Variants in SERPINF1 observed in about 807,000 individuals in gnomAD.
SERPINF1 encodes the protein pigment epithelium-derived factor.
In SERPINF1, 29 loss-of-function variants were observed where a neutral mutation model predicts 37.3. The ratio of observed to expected loss-of-function variants is 0.78; its 90% CI spans 0.58 to 1.06. The LOEUF (loss-of-function observed/expected upper bound fraction) is 1.06, where lower values mean the gene tolerates loss of function less well. Ranked by LOEUF, SERPINF1 falls within the 50% of genes least tolerant of loss-of-function variation. The pLI is 0.00. For missense variants in SERPINF1, 553 were observed against 532.2 expected (o/e 1.04, Z -0.38); for synonymous variants, 281 against 227.9 (o/e 1.23, Z -2.10).
At chr17:1,765,423 G>A (rs1036403263) in intron 1 of SERPINF1, among the ~76,000 whole-genome samples, 12 of 151,972 alleles carry the variant, frequency 7.9e-5, no homozygotes, top group Non-Finnish European at 1.8e-4. Context: ...CCAGGTTCAA[G>A]TGATTCTCCT....
At chr17:1,775,296 C>T (rs1907963134) in intron 6 of SERPINF1, 96 bp downstream of exon 6, 1 of 1,273,546 alleles carries the variant, frequency 7.9e-7, no homozygotes, top group Non-Finnish European at 1.1e-6. Context: ...TGAGATCCGA[C>T]AGCTGTCTAC....
intron 4 of SERPINF1, 70 bp downstream of exon 4, chr17:1,771,254 T>A: frequency 2.3e-6 from 3 of 1,300,632 alleles, no homozygotes; most frequent in East Asian, 2.8e-5. Context: ...GGGGGTCTTT[T>A]TTTTTTTTTT....
intron 4 of SERPINF1, 66 bp from the exon 5 acceptor site, chr17:1,771,806 G>A (rs1017160415): frequency 6.0e-6 from 9 of 1,511,316 alleles, no homozygotes; most frequent in Non-Finnish European, 8.2e-6. Flanking sequence ...GAGCCTGGCA[G>A]GCTCTCAAAG....
chr17:1,774,917 A>G, intron 5 of SERPINF1, 141 bp from the exon 6 acceptor site: 1 of 973,046 alleles, frequency 1.0e-6, no homozygotes. Context: ...AGATAGGCCT[A>G]TTCCCTGAGG....
intron 5 of SERPINF1, among the ~76,000 whole-genome samples, chr17:1,773,529 T>C (rs1477716990): frequency 1.3e-5 from 2 of 152,192 alleles, no homozygotes; most frequent in Non-Finnish European, 2.9e-5. Context: ...ATTACAGGCG[T>C]GAGCCACTGC....
Position 1,777,437 on chromosome 17 carries a change from G to A in SERPINF1, c.1248G>A (p.Arg416=). 1 of 1,614,094 alleles carries A rather than the reference G, an allele frequency of 6.2e-7. No individual in the cohort carries two copies. The highest frequency in any genetic ancestry group is 8.5e-7 in the Non-Finnish European group (1 of 1,180,016). ...TCATTGGCAAGATTCTGGACCCCAG[G>A]GGCCCCTAATATCCCAGTTTAATAT... ...LLFIGKILDP[R]GP Residue 416 remains arginine (R), a synonymous_variant, in exon 8 of 8, where the codon AGG becomes AGA. Coordinates refer to ENST00000254722, the MANE Select transcript of SERPINF1 (RefSeq NM_002615.7).
Position 1,777,235 on chromosome 17 carries a change from A to C in SERPINF1, c.1046A>C (p.Lys349Thr). Reference sequence around the variant, plus strand: ...CCAGACTTTAGCAAGATCACAGGCAAACCCATCAAGCTGACTCAGGTGGAA... The same window carrying C: ...CCAGACTTTAGCAAGATCACAGGCACACCCATCAAGCTGACTCAGGTGGAA... The part of the protein sequence containing the change: ...DSPDFSKITG[K>T]PIKLTQVEHR... The change falls in exon 8 of 8, where the codon AAA (lysine) becomes ACA (threonine). Residue 349 changes from lysine to threonine, a missense_variant. Coordinates refer to ENST00000254722, the MANE Select transcript of SERPINF1 (RefSeq NM_002615.7). 6.2e-7 allele frequency: 1 copy of C among 1,614,132 alleles called. No homozygotes were observed. The highest frequency in any genetic ancestry group is 8.5e-7 in the Non-Finnish European group (1 of 1,180,038).
chr17:1,777,162 C>G, intron 7 of SERPINF1, 25 bp from the exon 8 acceptor site: 1 of 1,614,032 alleles, frequency 6.2e-7, no homozygotes. Context: ...AGGGTTTTAA[C>G]GGAAATCTCT....
At position 1,777,334 on chromosome 17, in the gene SERPINF1, T is replaced by C. The variant is rs898098721; in HGVS notation, c.1145T>C (p.Leu382Pro). The C allele has an allele frequency of 1.2e-6, 2 of 1,613,962 alleles. No homozygotes were observed. The highest frequency in any genetic ancestry group is 1.3e-5 in the African/African-American group (1 of 74,892). Residue 382 changes from leucine to proline, a missense_variant, in exon 8 of 8, where the codon CTC (leucine) becomes CCC (proline). Leu to Pro is a moderately conservative substitution (Grantham distance 98, BLOSUM62 -3). Coordinates refer to ENST00000254722, the MANE Select transcript of SERPINF1 (RefSeq NM_002615.7). ...TPSPGLQPAH[L>P]TFPLDYHLNQ... ...AGCCCAGGGCTGCAGCCTGCCCACCTCACCTTCCCGCTGGACTATCACCTT... is the reference window on the plus strand; with the variant it reads ...AGCCCAGGGCTGCAGCCTGCCCACCCCACCTTCCCGCTGGACTATCACCTT...
rs371206627 is a variant in SERPINF1, at chr17:1,777,264, C to T, written c.1075C>T (p.Arg359Trp). The T allele has an allele frequency of 9.3e-6, 15 of 1,613,960 alleles. No individual in the cohort carries two copies. In the African/African-American group the frequency reaches 1.2e-4, roughly 13 times the overall value. The part of the protein sequence containing the change: ...KPIKLTQVEH[R>W]AGFEWNEDGA... Reference sequence around the variant, plus strand: ...CATCAAGCTGACTCAGGTGGAACACCGGGCTGGCTTTGAGTGGAACGAGGA... The same window carrying T: ...CATCAAGCTGACTCAGGTGGAACACTGGGCTGGCTTTGAGTGGAACGAGGA... The change falls in exon 8 of 8, where the codon CGG becomes TGG. Residue 359 changes from arginine (R) to tryptophan (W), a missense_variant. Coordinates refer to ENST00000254722, the MANE Select transcript of SERPINF1 (RefSeq NM_002615.7).
Position 1,775,177 on chromosome 17 carries a change from T to A in SERPINF1, c.763T>A (p.Leu255Met), listed in dbSNP as rs1172472938. 1.9e-6 allele frequency: 3 copies of A among 1,613,838 alleles called. No individual in the cohort carries two copies. The African/African-American group carries it at 4.0e-5, about 22-fold the overall frequency. Residue 255 changes from leucine (L) to methionine (M), a missense_variant, in exon 6 of 8, where the codon TTG becomes ATG. Transcript: ENST00000254722. Reference sequence around the variant, plus strand: ...CCCTAAGGCTGTTTTACGCTATGGCTTGGATTCAGATCTCAGCTGCAAGGT... The same window carrying A: ...CCCTAAGGCTGTTTTACGCTATGGCATGGATTCAGATCTCAGCTGCAAGGT... ...SDPKAVLRYGLDSDLSCKIAQ... is the reference protein window; with the variant it reads ...SDPKAVLRYGMDSDLSCKIAQ...
chr17:1,765,177 T>G (rs1430538408), intron 1 of SERPINF1, among the ~76,000 whole-genome samples: 1 of 119,894 alleles, frequency 8.3e-6, no homozygotes, highest in Non-Finnish European at 1.8e-5. Context: ...GTTTTCACTC[T>G]TGTTGCCCAG....
chr17:1,771,859 C>G lies in SERPINF1; in HGVS notation c.440-13C>G. 6.2e-7 allele frequency: 1 copy of G among 1,609,368 alleles called. No individual in the cohort carries two copies. Among genetic ancestry groups the G allele is most frequent in the Admixed American group, 1.7e-5 (1 of 59,982 alleles). On this transcript the variant is annotated splice_polypyrimidine_tract_variant and intron_variant, in intron 4 of 7. Coordinates refer to ENST00000254722, the MANE Select transcript of SERPINF1 (RefSeq NM_002615.7). ...GAGTCTCATACGCTAACCTCTGCTC[C>G]GCCTCTTCTCAGAGCTGCGCATAAA...
chr17:1,772,231 C>T (rs1032661972), intron 5 of SERPINF1, among the ~76,000 whole-genome samples, 156 bp downstream of exon 5: 43 of 152,050 alleles, frequency 2.8e-4, no homozygotes, highest in African/African-American at 9.4e-4. Flanking sequence ...ATTCTTGTGC[C>T]TCAGCCTCCC....
At chr17:1,775,415 G>T (rs1182576346) in intron 6 of SERPINF1, among the ~76,000 whole-genome samples, 2 of 152,202 alleles carry the variant, frequency 1.3e-5, no homozygotes, top group Non-Finnish European at 2.9e-5. Flanking sequence ...AGGGTTTGTT[G>T]TAAGGACGAA....
intron 7 of SERPINF1, 47 bp from the exon 8 acceptor site, chr17:1,777,140 G>A: frequency 6.2e-7 from 1 of 1,613,836 alleles, no homozygotes; most frequent in South Asian, 1.1e-5. Context: ...TGGTTGGGGT[G>A]TTGGGGAAGG....
rs191892768 is a variant in SERPINF1 at position 1,775,384 on chromosome 17, G to A, written c.786+184G>A. On this transcript the variant is annotated intron_variant, in intron 6 of 7. Transcript: ENST00000254722. ...TCCTCTTAAGATGGGGCAGGGGATC[G>A]TTACCAACACTTACCCTCCCAGGGT... Among the ~76,000 whole-genome samples the A allele has an allele frequency of 6.6e-5, 10 of 152,192 alleles. No individual in the cohort carries two copies. The East Asian group carries it at 1.2e-3, about 18-fold the overall frequency.
At chr17:1,765,837 A>T (rs534878535) in intron 1 of SERPINF1, among the ~76,000 whole-genome samples, 1 of 147,918 alleles carries the variant, frequency 6.8e-6, no homozygotes, top group Non-Finnish European at 1.5e-5. Flanking sequence ...ACTACACTCC[A>T]GCCTGGGCAG....
chr17:1,768,047 G>A (rs2151206112), intron 2 of SERPINF1, among the ~76,000 whole-genome samples: 1 of 151,868 alleles, frequency 6.6e-6, no homozygotes, highest in East Asian at 1.9e-4. Context: ...CTACAAAAAA[G>A]CAAAAATTAC....
Sources: allele counts gnomAD v4.1 joint callset (sites outside exome capture counted in the v4.1 genomes callset), GRCh38; gene constraint gnomAD v4.1.1; transcripts MANE v1.5; gene names NCBI Gene and HGNC (gene_info 2026-07-23, HGNC 2026-07-21).